Variants in SMIM7 observed in about 807,000 individuals in gnomAD.
SMIM7 encodes small integral membrane protein 7, also known as UPF0608 protein C19orf42.
A neutral mutation model predicts 13.3 loss-of-function variants in SMIM7; 12 were observed. The observed-to-expected ratio is 0.90, with a 90% CI of 0.58 to 1.46. The LOEUF (loss-of-function observed/expected upper bound fraction) is 1.46, where lower values mean the gene tolerates loss of function less well. SMIM7 is among the 40% of genes most tolerant of loss of function. SMIM7 has a pLI of 0.00. For synonymous variants in SMIM7, 36 were observed against 35.8 expected, an observed-to-expected ratio of 1.01 and a Z score of -0.02; for missense variants, 114 against 94.8, an observed-to-expected ratio of 1.20 and a Z score of -0.84.
chr19:16,654,177 T>G (rs748572692), intron 3 of SMIM7, 52 bp from the exon 4 acceptor site: 7 of 1,484,724 alleles, frequency 4.7e-6, no homozygotes, highest in Non-Finnish European at 6.6e-6. Flanking sequence ...CCATCCCTAC[T>G]GCCACCTCAG....
intron 4 of SMIM7, among the ~76,000 whole-genome samples, chr19:16,650,044 G>C (rs367763384): frequency 6.6e-6 from 1 of 152,186 alleles, no homozygotes. Flanking sequence ...AAATTGGATA[G>C]AGATAGCGGC....
chr19:16,630,896 T>C (rs961846054), exon 5 of SMIM7: 2 of 152,236 alleles, frequency 1.3e-5, no homozygotes, highest in Non-Finnish European at 2.9e-5. Context: ...CTTAGCCAAC[T>C]TTCTGCATTG....
chr19:16,653,491 G>C (rs2086555262), intron 4 of SMIM7, among the ~76,000 whole-genome samples: 1 of 152,068 alleles, frequency 6.6e-6, no homozygotes, highest in Admixed American at 6.5e-5. Flanking sequence ...GCTGAGGCAG[G>C]AGAATCGCTT....
intron 4 of SMIM7, chr19:16,634,559 TTGAGCTCAGGAG>T (rs1458568393): frequency 2.6e-5 from 4 of 151,946 alleles, no homozygotes; most frequent in African/African-American, 9.7e-5. Flanking sequence ...GGCGGGTCAC[TTGAGCTCAGGAG>T]TTTGAGACCA....
chr19:16,639,216 A>G (rs895265634), intron 4 of SMIM7, among the ~76,000 whole-genome samples: 3 of 138,042 alleles, frequency 2.2e-5, no homozygotes, highest in Non-Finnish European at 3.0e-5. Flanking sequence ...CCGCCCCCCC[A>G]GGTTCACGCC....
In SMIM7 at chr19:16,647,155, T is replaced by C; in HGVS notation, c.*91A>G. The C allele has an allele frequency of 1.3e-6, 2 of 1,570,294 alleles. No individual in the cohort carries two copies. Among genetic ancestry groups the C allele is most frequent in the Non-Finnish European group, 1.7e-6 (2 of 1,143,136 alleles). On this transcript the variant is annotated 3_prime_UTR_variant, in exon 5 of 5. Transcript: ENST00000487416. ...GACTTTCTGGGAAGGTTGTCGGTTT[T>C]CTGGTCAAAAACATTCTTGAAGTCA...
chr19:16,631,708 A>G (rs914769265), exon 5 of SMIM7: 6 of 152,206 alleles, frequency 3.9e-5, no homozygotes, highest in Admixed American at 2.6e-4. Context: ...CTCATCAGAC[A>G]TGTCAGAAGC....
chr19:16,659,653 A>G (rs1003954166), intron 2 of SMIM7: 13 of 666,298 alleles, frequency 2.0e-5, no homozygotes, highest in Non-Finnish European at 3.1e-5. Context: ...GACCGTTTAC[A>G]AAGTGGCCCG....
At chr19:16,638,341 CTGCACAGGCTGGAG>C (rs2086376768) in intron 4 of SMIM7, among the ~76,000 whole-genome samples, 1 of 140,788 alleles carries the variant, frequency 7.1e-6, no homozygotes, top group Non-Finnish European at 1.5e-5. Context: ...TTCACTCTTG[CTGCACAGGCTGGAG>C]TGCAATGGCA....
At chr19:16,656,475 A>T (rs540046263) in intron 3 of SMIM7, among the ~76,000 whole-genome samples, 3 of 152,176 alleles carry the variant, frequency 2.0e-5, no homozygotes, top group Non-Finnish European at 4.4e-5. Context: ...CCCAACAAGC[A>T]TATGGGGAGG....
chr19:16,630,975 TG>T, exon 5 of SMIM7: 1 of 152,270 alleles, frequency 6.6e-6, no homozygotes, highest in Middle Eastern at 3.4e-3. Flanking sequence ...CTTGCTGTGA[TG>T]GTTCGTCCTC....
chr19:16,654,087 A>G lies in SMIM7; in HGVS notation c.160T>C (p.Phe54Leu), dbSNP rs770583275. 12 of 1,614,148 alleles carry G rather than the reference A, an allele frequency of 7.4e-6. No individual in the cohort carries two copies. The South Asian group carries it at 1.2e-4, about 16-fold the overall frequency. ...IREFLLSLRYFRIFIALWNIF... is the reference protein window; with the variant it reads ...IREFLLSLRYLRIFIALWNIF... ...TTCCACAGGGCGATGAAGATTCGAA[A>G]GTATCTGAGGCTCAGCAAGAATTCC... The change falls in exon 4 of 5, where the codon TTT (phenylalanine) becomes CTT (leucine). Residue 54 changes from phenylalanine (F) to leucine (L), a missense_variant. Physicochemically the swap from Phe to Leu is conservative, Grantham distance 22. Coordinates refer to ENST00000487416, the MANE Select transcript of SMIM7 (RefSeq NM_024104.4).
chr19:16,647,375 A>T, intron 4 of SMIM7, 114 bp from the exon 5 acceptor site: 2 of 1,286,684 alleles, frequency 1.6e-6, no homozygotes, highest in Admixed American at 2.0e-5. Flanking sequence ...ATTTTACATG[A>T]TTGTCTGATT....
intron 3 of SMIM7, among the ~76,000 whole-genome samples, chr19:16,657,605 T>C (rs1282121554): frequency 1.3e-5 from 2 of 152,230 alleles, no homozygotes; most frequent in East Asian, 3.8e-4. Context: ...CTCAGTTTCC[T>C]GATCTGTAAA....
At chr19:16,657,104 A>G (rs986171485) in intron 3 of SMIM7, among the ~76,000 whole-genome samples, 5 of 152,138 alleles carry the variant, frequency 3.3e-5, no homozygotes, top group Admixed American at 3.3e-4. Flanking sequence ...TCAGGCAGCT[A>G]GGAAGACCTT....
intron 3 of SMIM7, 91 bp from the exon 4 acceptor site, chr19:16,654,216 C>G (rs116004464): frequency 7.6e-6 from 8 of 1,053,206 alleles, no homozygotes; most frequent in Non-Finnish European, 1.2e-5. Context: ...TCCACCCACC[C>G]GGCGCTTGCT....
At chr19:16,656,960 T>C (rs2086604425) in intron 3 of SMIM7, among the ~76,000 whole-genome samples, 1 of 151,720 alleles carries the variant, frequency 6.6e-6, no homozygotes, top group South Asian at 2.1e-4. Flanking sequence ...GAGCTCCAAG[T>C]TCTGACCTCA....
At chr19:16,643,554 G>A (rs147834158), downstream of SMIM7, among the ~76,000 whole-genome samples, 8 of 152,156 alleles carry the variant, frequency 5.3e-5, no homozygotes, top group East Asian at 1.5e-3. Flanking sequence ...GTGCCACTAT[G>A]CCCAGCTAAT....
chr19:16,654,969 G>A (rs2086577330), intron 3 of SMIM7, among the ~76,000 whole-genome samples: 1 of 152,000 alleles, frequency 6.6e-6, no homozygotes, highest in Non-Finnish European at 1.5e-5. Flanking sequence ...ACCCTAACCA[G>A]TCTCACAGTA....
Sources: allele counts gnomAD v4.1 joint callset (sites outside exome capture counted in the v4.1 genomes callset), GRCh38; gene constraint gnomAD v4.1.1; transcripts MANE v1.5; gene names NCBI Gene and HGNC (gene_info 2026-07-23, HGNC 2026-07-21).